Variants in ROBO4 observed in about 807,000 individuals in gnomAD.
The protein encoded by ROBO4 is roundabout homolog 4.
Under a neutral mutation model 103.3 loss-of-function variants are expected in ROBO4, and 80 were observed. The observed-to-expected ratio is 0.77, with a 90% CI of 0.65 to 0.93. The LOEUF (loss-of-function observed/expected upper bound fraction) is 0.93, where lower values mean the gene tolerates loss of function less well. ROBO4 is among the 40% of genes least tolerant of loss of function. The pLI, the probability that ROBO4 is intolerant of heterozygous loss-of-function variation, is 0.00. For missense variants in ROBO4, 1,333 were observed against 1,305.3 expected, an observed-to-expected ratio of 1.02 and a Z score of -0.33; for synonymous variants, 504 against 529.7, an observed-to-expected ratio of 0.95 and a Z score of 0.67.
At chr11:124,895,995 A>G in intron 4 of ROBO4, 83 bp from the exon 5 acceptor site, 1 of 1,578,188 alleles carries the variant, frequency 6.3e-7, no homozygotes, top group Non-Finnish European at 8.6e-7. Context: ...GCCAGGGAGG[A>G]ACCCCAGGGA....
chr11:124,891,898 G>A, intron 10 of ROBO4, 96 bp from the exon 11 acceptor site: 1 of 1,365,802 alleles, frequency 7.3e-7, no homozygotes, highest in Non-Finnish European at 1.0e-6. Flanking sequence ...GCAGAAGAGG[G>A]CAAGGAGATG....
Position 124,896,591 on chromosome 11 carries a change from C to T in ROBO4, c.480G>A (p.Pro160=), listed in dbSNP as rs767116722. 115 of 1,613,968 alleles carry T rather than the reference C, an allele frequency of 7.1e-5. No individual in the cohort carries two copies. Among genetic ancestry groups the T allele is most frequent in the East Asian group, 2.0e-4 (9 of 44,868 alleles). ...CTGTGGGCTCTGGGTGGCCCCAGGG[C>T]GGCCCACATTCCAGAGTAAACTGCT... ...VGEQFTLECG[P]PWGHPEPTVS... is the part of the protein sequence containing the mutation. Residue 160 remains proline (P), a synonymous_variant, in exon 3 of 18, where the codon CCG becomes CCA. Coordinates refer to ENST00000306534, the MANE Select transcript of ROBO4 (RefSeq NM_019055.6).
At chr11:124,885,463 G>C (rs766640572) in intron 16 of ROBO4, among the ~76,000 whole-genome samples, 33 of 152,122 alleles carry the variant, frequency 2.2e-4, no homozygotes, top group Non-Finnish European at 4.4e-4. Context: ...TTCCAGCCCA[G>C]CTCTGGCCTT....
chr11:124,894,575 T>A (rs1198530349), intron 7 of ROBO4: 7 of 565,738 alleles, frequency 1.2e-5, no homozygotes, highest in Non-Finnish European at 1.9e-5. Context: ...ACAAGCAAGC[T>A]GCTAAAACAC....
chr11:124,887,263 G>C (rs1555048929), intron 14 of ROBO4, 50 bp from the exon 15 acceptor site: 1 of 1,594,416 alleles, frequency 6.3e-7, no homozygotes, highest in Non-Finnish European at 8.6e-7. Flanking sequence ...AGCTCTTCAA[G>C]TCCTTTCCCC....
rs745487925 is a variant in ROBO4 at position 124,891,488 on chromosome 11, C to T, written c.1759G>A (p.Ala587Thr). 43 of 1,613,298 alleles carry T rather than the reference C, an allele frequency of 2.7e-5. No homozygotes were observed. Among genetic ancestry groups the T allele is most frequent in the East Asian group, 6.7e-5 (3 of 44,892 alleles). The change falls in exon 12 of 18, where the codon GCT becomes ACT. Residue 587 changes from alanine to threonine, a missense_variant. Transcript: ENST00000306534. The part of the protein sequence containing the change: ...DTSTFYGSLI[A>T]ELPSSTPARP... ...GCTGGGGTACTGGAGGGCAGCTCAG[C>T]GATGAGGGAGCCATAAAAAGTGCTG...
Position 124,886,507 on chromosome 11 carries a change from A to G in ROBO4, c.2751T>C (p.Phe917=). ...ARALAVAVDS[F]GFGLEPREAD... is the part of the protein sequence containing the mutation. ...CCTCCCTGGGCTCTAGACCGAAACC[A>G]AAGCTATCCACAGCCACTGCCAGGG... The change falls in exon 16 of 18, where the codon TTT becomes TTC. Residue 917 remains phenylalanine, a synonymous_variant. Coordinates refer to ENST00000306534, the MANE Select transcript of ROBO4 (RefSeq NM_019055.6). The G allele has an allele frequency of 6.2e-7, 1 of 1,614,204 alleles. No homozygotes were observed. Among genetic ancestry groups the G allele is most frequent in the Admixed American group, 1.7e-5 (1 of 60,028 alleles).
intron 16 of ROBO4, among the ~76,000 whole-genome samples, chr11:124,885,687 T>C (rs1279222152): frequency 6.6e-6 from 1 of 151,918 alleles, no homozygotes; most frequent in African/African-American, 2.4e-5. Flanking sequence ...GCCAAGACCC[T>C]GTACTACCTT....
In ROBO4 at chr11:124,896,608, T is replaced by C. The variant is rs762253130; in HGVS notation, c.463A>G (p.Thr155Ala). 13 of 1,613,814 alleles carry C rather than the reference T, an allele frequency of 8.1e-6. No individual in the cohort carries two copies. The African/African-American group carries it at 1.6e-4, about 20-fold the overall frequency. ...CCCCAGGGCGGCCCACATTCCAGAG[T>C]AAACTGCTCACCCACCACAGCCACC... is the stretch of plus-strand genomic sequence containing the variant. ...DMVAVVGEQF[T>A]LECGPPWGHP... is the part of the protein sequence containing the mutation. The change falls in exon 3 of 18, where the codon ACT (threonine) becomes GCT (alanine). Residue 155 changes from threonine to alanine, a missense_variant. Thr to Ala is a moderately conservative substitution (Grantham distance 58). Coordinates refer to ENST00000306534, the MANE Select transcript of ROBO4 (RefSeq NM_019055.6).
At chr11:124,889,450 G>A (rs1946768950) in intron 12 of ROBO4, among the ~76,000 whole-genome samples, 1 of 152,168 alleles carries the variant, frequency 6.6e-6, no homozygotes, top group African/African-American at 2.4e-5. Flanking sequence ...CTCCTATGTT[G>A]CTTGGAGTTA....
At chr11:124,897,452 G>A (rs1279069645) in intron 1 of ROBO4, 191 bp from the exon 2 acceptor site, 2 of 582,542 alleles carry the variant, frequency 3.4e-6, no homozygotes, top group Non-Finnish European at 6.0e-6. Context: ...TCCAGGCCAG[G>A]GCTTGCATAG....
chr11:124,885,007 G>C (rs2135362709), intron 17 of ROBO4, 34 bp downstream of exon 17: 2 of 1,613,680 alleles, frequency 1.2e-6, no homozygotes, highest in East Asian at 4.5e-5. Context: ...CTCTGGTCAA[G>C]ATGAACACAT....
chr11:124,888,355 A>G (rs1946748637), intron 12 of ROBO4, among the ~76,000 whole-genome samples: 1 of 152,162 alleles, frequency 6.6e-6, no homozygotes, highest in Non-Finnish European at 1.5e-5. Flanking sequence ...AATATCTCAC[A>G]TGGCTCTGGA....
rs1300217741 is a variant in ROBO4 at position 124,895,487 on chromosome 11, T to C, written c.1006A>G (p.Asn336Asp). ...TCCGGCAGCCTCAGGAGCAGCACGT[T>C]GCTGTCAGGGCCTCGAGCCCGGCCA... ...SSGRARGPDS[N>D]VLLLRLPEKV... is the part of the protein sequence containing the mutation. The change falls in exon 6 of 18, where the codon AAC becomes GAC. Residue 336 changes from asparagine to aspartate, a missense_variant. By Grantham distance (23) the Asn-to-Asp change is conservative. Coordinates refer to ENST00000306534, the MANE Select transcript of ROBO4 (RefSeq NM_019055.6). 6 of 1,610,902 alleles carry C rather than the reference T, an allele frequency of 3.7e-6. No individual in the cohort carries two copies. The highest frequency in any genetic ancestry group is 3.4e-6 in the Non-Finnish European group (4 of 1,179,990).
In ROBO4 at chr11:124,886,655, G is replaced by C. The variant is rs748907210; in HGVS notation, c.2603C>G (p.Pro868Arg). The C allele has an allele frequency of 6.2e-7, 1 of 1,613,920 alleles. No homozygotes were observed. The highest frequency in any genetic ancestry group is 8.5e-7 in the Non-Finnish European group (1 of 1,179,820). The change falls in exon 16 of 18, where the codon CCC becomes CGC. Residue 868 changes from proline (P) to arginine (R), a missense_variant. Pro to Arg is a moderately radical substitution (Grantham distance 103). Coordinates refer to ENST00000306534, the MANE Select transcript of ROBO4 (RefSeq NM_019055.6). Reference protein sequence around the residue: ...CPPRPCLTPTPSEGSLANGWG... With the variant: ...CPPRPCLTPTRSEGSLANGWG... Reference sequence around the variant, plus strand: ...ACCATTGGCTAAGGAGCCCTCGCTGGGGGTGGGGGTGAGGCAGGGCCGAGG... The same window carrying C: ...ACCATTGGCTAAGGAGCCCTCGCTGCGGGTGGGGGTGAGGCAGGGCCGAGG...
chr11:124,891,421 G>A lies in ROBO4; in HGVS notation c.1826C>T (p.Pro609Leu). The A allele has an allele frequency of 6.3e-7, 1 of 1,589,718 alleles. No homozygotes were observed. Among genetic ancestry groups the A allele is most frequent in the Non-Finnish European group, 8.6e-7 (1 of 1,167,082 alleles). The change falls in exon 12 of 18, where the codon CCC becomes CTC. Residue 609 changes from proline (P) to leucine (L), a missense_variant. By Grantham distance (98) the Pro-to-Leu change is moderately conservative. Coordinates refer to ENST00000306534, the MANE Select transcript of ROBO4 (RefSeq NM_019055.6). ...GGGGCTGGAGAGCTGGGCCAGCTGG[G>A]GTGGGAGGCGCCTGACAGCTGGGAC... ...PQVPAVRRLP[P>L]QLAQLSSPCS...
intron 1 of ROBO4, 148 bp from the exon 2 acceptor site, chr11:124,897,409 A>C: frequency 1.5e-6 from 1 of 652,558 alleles, no homozygotes; most frequent in East Asian, 2.8e-5. Flanking sequence ...AGAACAAGCC[A>C]GCTAGGAGGA....
chr11:124,890,769 A>G (rs1946785294), intron 12 of ROBO4, among the ~76,000 whole-genome samples: 1 of 152,262 alleles, frequency 6.6e-6, no homozygotes, highest in Non-Finnish European at 1.5e-5. Context: ...CTGTCCAGAA[A>G]GGAAATACCC....
rs1946685223 is a variant in ROBO4, at chr11:124,884,853, G to T, written c.*38C>A. 2.5e-6 allele frequency: 4 copies of T among 1,613,176 alleles called. No homozygotes were observed. The highest frequency in any genetic ancestry group is 3.4e-6 in the Non-Finnish European group (4 of 1,179,090). ...GGTCTTGTGGGTGGACAGGAGAAGTGGTTCTGATTCCCGTCTGGGAAGTCT... is the reference window on the plus strand; with the variant it reads ...GGTCTTGTGGGTGGACAGGAGAAGTTGTTCTGATTCCCGTCTGGGAAGTCT... On this transcript the variant is annotated 3_prime_UTR_variant, in exon 18 of 18. Transcript: ENST00000306534.
Sources: allele counts gnomAD v4.1 joint callset (sites outside exome capture counted in the v4.1 genomes callset), GRCh38; gene constraint gnomAD v4.1.1; transcripts MANE v1.5; gene names NCBI Gene and HGNC (gene_info 2026-07-23, HGNC 2026-07-21).